The following CTNNA1 variants were observed in gnomAD, a reference collection of about 807,000 sequenced individuals.
CTNNA1 encodes the protein catenin alpha 1.
Under a neutral mutation model 98.4 loss-of-function variants are expected in CTNNA1, and 37 were observed. The observed-to-expected ratio is 0.38, with a 90% CI of 0.29 to 0.49. The LOEUF is 0.49. CTNNA1 is among the 20% of genes least tolerant of loss of function. CTNNA1 has a pLI of 0.95. For missense variants in CTNNA1, 761 were observed against 1,147.2 expected (o/e 0.66, Z 4.86); for synonymous variants, 404 against 413.2 (o/e 0.98, Z 0.27).
chr5:138,804,636 C>A (rs1249233615), intron 3 of CTNNA1, among the ~76,000 whole-genome samples: 3 of 152,214 alleles, frequency 2.0e-5, no homozygotes, highest in Admixed American at 2.0e-4. Context: ...TTCATTTTTT[C>A]TTACGGCTAA....
chr5:138,766,365 G>C (rs1752939555), intron 1 of CTNNA1, among the ~76,000 whole-genome samples: 1 of 152,028 alleles, frequency 6.6e-6, no homozygotes, highest in African/African-American at 2.4e-5. Flanking sequence ...GGAGACAGGT[G>C]ATAAGGCTGA....
chr5:138,825,228 TC>T (rs1349461622), intron 6 of CTNNA1, among the ~76,000 whole-genome samples: 1 of 152,178 alleles, frequency 6.6e-6, no homozygotes, highest in East Asian at 1.9e-4. Context: ...GTACCATCAT[TC>T]TAATCTTTCT....
At chr5:138,930,990 C>A in intron 16 of CTNNA1, 55 bp downstream of exon 16, 2 of 1,156,938 alleles carry the variant, frequency 1.7e-6, no homozygotes, top group Non-Finnish European at 2.6e-6. Context: ...GCTCAGGCAG[C>A]CCAGCCTGGT....
At position 138,800,393 on chromosome 5, in the gene CTNNA1, G is replaced by C. The variant is rs536588453; in HGVS notation, c.302-9645G>C. 2.0e-5 allele frequency among the ~76,000 whole-genome samples: 3 copies of C among 152,258 alleles called. No homozygotes were observed. In the South Asian group the frequency reaches 6.2e-4, roughly 32 times the overall value. The stretch of plus-strand genomic sequence containing the variant: ...TCTAGAGTTGAAGAATTTAATGCCA[G>C]CAAGGGATGGTTTGATACTTTAAGA... On this transcript the variant is annotated intron_variant, in intron 3 of 17. Coordinates refer to ENST00000302763, the MANE Select transcript of CTNNA1 (RefSeq NM_001903.5).
intron 1 of CTNNA1, among the ~76,000 whole-genome samples, chr5:138,776,804 A>AC (rs552134161): frequency 0.013 from 1,739 of 130,856 alleles, 108 homozygotes; most frequent in African/African-American, 0.053. Context: ...CGGGGGGCTG[A>AC]CCCCCCCACC....
Position 138,894,742 on chromosome 5 carries a change from T to G in CTNNA1, c.1296+7100T>G, listed in dbSNP as rs375369328. 6.5e-4 allele frequency among the ~76,000 whole-genome samples: 99 copies of G among 152,084 alleles called. 1 individual carries two copies. Among genetic ancestry groups the G allele is most frequent in the African/African-American group, 2.2e-3 (93 of 41,448 alleles). ...CCATCCTGTGGCTTCTAGGTAAGCCTGGAATAATATTCAAAAATCCAGATT... is the reference window on the plus strand; with the variant it reads ...CCATCCTGTGGCTTCTAGGTAAGCCGGGAATAATATTCAAAAATCCAGATT... On this transcript the variant is annotated intron_variant, in intron 9 of 17. Coordinates refer to ENST00000302763, the MANE Select transcript of CTNNA1 (RefSeq NM_001903.5).
intron 3 of CTNNA1, among the ~76,000 whole-genome samples, chr5:138,806,342 C>T (rs1326676835): frequency 6.6e-6 from 1 of 151,110 alleles, no homozygotes; most frequent in Non-Finnish European, 1.5e-5. Context: ...TGTCCACAGT[C>T]TCGAGGGTCC....
At chr5:138,883,558 A>C (rs1252373363) in intron 7 of CTNNA1, among the ~76,000 whole-genome samples, 1 of 152,296 alleles carries the variant, frequency 6.6e-6, no homozygotes, top group East Asian at 1.9e-4. Flanking sequence ...AAATTCAAGG[A>C]TTTGGTTTTA....
chr5:138,833,534 C>T (rs28363414), intron 7 of CTNNA1, among the ~76,000 whole-genome samples: 5,010 of 152,146 alleles, frequency 0.033, 230 homozygotes, highest in African/African-American at 0.1. Flanking sequence ...CTTATGGCTA[C>T]GAGAAAAATC....
chr5:138,797,551 T>C (rs1317305280), intron 3 of CTNNA1, among the ~76,000 whole-genome samples: 1 of 152,214 alleles, frequency 6.6e-6, no homozygotes, highest in Non-Finnish European at 1.5e-5. Context: ...AAAAATATTT[T>C]TTCTGGACCT....
intron 10 of CTNNA1, among the ~76,000 whole-genome samples, chr5:138,917,247 G>T (rs576476027): frequency 2.6e-5 from 4 of 152,196 alleles, no homozygotes; most frequent in Non-Finnish European, 4.4e-5. Context: ...TTTATCACAA[G>T]ATATTTGTAG....
chr5:138,925,148 G>A, intron 12 of CTNNA1, 108 bp from the exon 13 acceptor site: 3 of 1,201,566 alleles, frequency 2.5e-6, no homozygotes, highest in Non-Finnish European at 3.5e-6. Context: ...AGAAGCAGAG[G>A]CTCATCATAA....
rs745591711 is a variant in CTNNA1 at position 138,873,112 on chromosome 5, C to G, written c.1063-13100C>G. 6.2e-7 allele frequency: 1 copy of G among 1,613,866 alleles called. No individual in the cohort carries two copies. Among genetic ancestry groups the G allele is most frequent in the Non-Finnish European group, 8.5e-7 (1 of 1,179,826 alleles). ...CATGGGTGGGTTCATATTCATTATA[C>G]GGTCCTTGGTCTGACATGTTTGACA... On this transcript the variant is annotated intron_variant, in intron 7 of 17. Coordinates refer to ENST00000302763, the MANE Select transcript of CTNNA1 (RefSeq NM_001903.5). This position sits in a 1 kb window ranked among gnomAD's most constrained non-coding sequence, Gnocchi z 6.1.
intron 3 of CTNNA1, among the ~76,000 whole-genome samples, chr5:138,796,815 A>G (rs1213810018): frequency 2.0e-5 from 3 of 152,308 alleles, no homozygotes; most frequent in South Asian, 4.1e-4. Flanking sequence ...TTGCAGAAGC[A>G]TATTCAGGTG....
Position 138,874,130 on chromosome 5 carries a change from T to C in CTNNA1, c.1063-12082T>C, listed in dbSNP as rs1179200241. 3.1e-6 allele frequency: 5 copies of C among 1,613,750 alleles called. No individual in the cohort carries two copies. Among genetic ancestry groups the C allele is most frequent in the Non-Finnish European group, 4.2e-6 (5 of 1,179,722 alleles). The stretch of plus-strand genomic sequence containing the variant: ...GAGCTCTGGGTGCAGAGATGACAGC[T>C]GATTAAAAGACAGGTCCAAATTTTG... On this transcript the variant is annotated intron_variant, in intron 7 of 17. Transcript: ENST00000302763. This position sits in a 1 kb window ranked among gnomAD's most constrained non-coding sequence, Gnocchi z 4.1.
In CTNNA1 at chr5:138,805,797, T is replaced by C. The variant is rs28745574; in HGVS notation, c.302-4241T>C. Among the ~76,000 whole-genome samples, 977 of 151,718 alleles carry C rather than the reference T, an allele frequency of 6.4e-3. 8 individuals are homozygous for C. Among genetic ancestry groups the C allele is most frequent in the African/African-American group, 0.021 (852 of 41,342 alleles). ...ATAAGAGTTCTTTATATATTCTGGATACTAGATCCTTATAATTTGCAGAAA... is the reference window on the plus strand; with the variant it reads ...ATAAGAGTTCTTTATATATTCTGGACACTAGATCCTTATAATTTGCAGAAA... On this transcript the variant is annotated intron_variant, in intron 3 of 17. Transcript: ENST00000302763.
chr5:138,756,751 A>G (rs1044648056), intron 1 of CTNNA1, among the ~76,000 whole-genome samples: 3 of 152,166 alleles, frequency 2.0e-5, no homozygotes, highest in African/African-American at 7.2e-5. Context: ...AGGGAGTTTC[A>G]TGATTTGATT....
At chr5:138,786,303 T>G (rs1755702135) in intron 3 of CTNNA1, among the ~76,000 whole-genome samples, 1 of 152,230 alleles carries the variant, frequency 6.6e-6, no homozygotes, top group Non-Finnish European at 1.5e-5. Context: ...TTGGAGAATC[T>G]TAACAAATGG....
At chr5:138,908,754 G>A (rs748872779) in intron 10 of CTNNA1, among the ~76,000 whole-genome samples, 8 of 152,124 alleles carry the variant, frequency 5.3e-5, no homozygotes, top group Non-Finnish European at 1.2e-4. Flanking sequence ...ATTTTTTGGC[G>A]ATTTGTTATC....
Sources: gnomAD v4.1 joint callset for allele counts (sites outside exome capture counted in the v4.1 genomes callset) on GRCh38, gnomAD v4.1.1 for gene constraint, Gnocchi (gnomAD v3.1) non-coding constraint, MANE v1.5 for transcripts, NCBI Gene and HGNC (gene_info 2026-07-23, HGNC 2026-07-21) for gene names.